SLC23A2: variants seen among roughly 807,000 people sequenced by gnomAD.
The protein encoded by SLC23A2 is Na(+)/L-ascorbic acid transporter 2.
SLC23A2 carries 36 observed loss-of-function variants against 73.3 expected under a neutral mutation model. The ratio of observed to expected loss-of-function variants is 0.49; its 90% CI spans 0.38 to 0.65. The LOEUF is 0.65. Among genes scored for constraint, SLC23A2 ranks in the 30% least tolerant of loss-of-function variants. The probability of loss-of-function intolerance (pLI) is 0.00; values close to 1 mark genes in which losing one functional copy is unlikely to be tolerated. For missense variants in SLC23A2, 507 were observed against 841.6 expected, an observed-to-expected ratio of 0.60 and a Z score of 4.92; for synonymous variants, 343 against 327.3, an observed-to-expected ratio of 1.05 and a Z score of -0.52.
chr20:4,858,434 A>C (rs1929822719), intron 16 of SLC23A2, among the ~76,000 whole-genome samples: 1 of 152,138 alleles, frequency 6.6e-6, no homozygotes, highest in Non-Finnish European at 1.5e-5. Flanking sequence ...AGAGAAAGAG[A>C]GTAGTCGTTA....
At chr20:4,994,524 C>G (rs964169967) in intron 1 of SLC23A2, among the ~76,000 whole-genome samples, 13 of 152,104 alleles carry the variant, frequency 8.5e-5, no homozygotes, top group African/African-American at 2.7e-4. Context: ...GCGGCTCACA[C>G]CTGTAATCTC....
At chr20:4,928,880 C>A (rs1272250867) in intron 3 of SLC23A2, among the ~76,000 whole-genome samples, 2 of 152,130 alleles carry the variant, frequency 1.3e-5, no homozygotes, top group African/African-American at 4.8e-5. Flanking sequence ...CCCAACCCTG[C>A]CCTAAAAAAT....
rs35951917 is a variant in SLC23A2 at position 4,972,576 on chromosome 20, G to GGT, written c.-281-1658_-281-1657insAC. Among the ~76,000 whole-genome samples the GGT allele has an allele frequency of 4.5e-4, 65 of 144,054 alleles. 1 individual carries two copies. Among genetic ancestry groups the GGT allele is most frequent in the South Asian group, 4.5e-4 (2 of 4,482 alleles). The allele number at this position is 144,054 out of a possible 152,430, so 94.5% of individuals were successfully genotyped here. On this transcript the variant is annotated intron_variant, in intron 1 of 16. Coordinates refer to ENST00000338244, the MANE Select transcript of SLC23A2 (RefSeq NM_005116.6). ...GGGGGTTTTTGGGGGGTTTTTTGGG[G>GGT]TTTTTTTGTTGTTGTTGTTGTTTTA...
chr20:4,869,282 C>G (rs538926667), intron 12 of SLC23A2, among the ~76,000 whole-genome samples: 1 of 151,398 alleles, frequency 6.6e-6, no homozygotes, highest in East Asian at 1.9e-4. Context: ...TGCACTGTAG[C>G]CTGGGCAACA....
chr20:4,952,103 CAAAAAAA>C (rs57832305), intron 2 of SLC23A2, among the ~76,000 whole-genome samples: 33 of 40,532 alleles, frequency 8.1e-4, no homozygotes, highest in South Asian at 1.6e-3. Flanking sequence ...GACTCTGACT[CAAAAAAA>C]AAAAAAAAAA....
chr20:4,915,739 C>A (rs940682868), intron 3 of SLC23A2, among the ~76,000 whole-genome samples: 2 of 152,092 alleles, frequency 1.3e-5, no homozygotes, highest in Admixed American at 6.5e-5. Context: ...CCCGAGATCA[C>A]GAGTTCGAGA....
At chr20:4,970,588 T>C (rs573358173) in intron 2 of SLC23A2, among the ~76,000 whole-genome samples, 22 of 152,146 alleles carry the variant, frequency 1.4e-4, no homozygotes, top group African/African-American at 5.1e-4. Flanking sequence ...AATTTAAAAA[T>C]TAGCCAGGCA....
intron 2 of SLC23A2, among the ~76,000 whole-genome samples, chr20:4,969,117 CCT>C (rs1412350269): frequency 1.6e-5 from 2 of 121,540 alleles, no homozygotes; most frequent in Non-Finnish European, 3.7e-5. Context: ...ACAGAGTTTC[CCT>C]CTTGTTACCC....
Position 4,995,351 on chromosome 20 carries a change from T to C in SLC23A2, c.-282+6055A>G, listed in dbSNP as rs7273306. On this transcript the variant is annotated intron_variant, in intron 1 of 16. Coordinates refer to ENST00000338244, the MANE Select transcript of SLC23A2 (RefSeq NM_005116.6). ...CCATTCAGCCTCAGCCTCCTCCCAG[T>C]GCACCCTTTACTCCACCCCAAAATT... 5.4e-3 allele frequency among the ~76,000 whole-genome samples: 820 copies of C among 152,228 alleles called. 8 individuals are homozygous for C. Among genetic ancestry groups the C allele is most frequent in the African/African-American group, 0.019 (787 of 41,552 alleles).
At chr20:4,907,320 T>C (rs962705836) in intron 4 of SLC23A2, among the ~76,000 whole-genome samples, 4 of 151,808 alleles carry the variant, frequency 2.6e-5, no homozygotes, top group Admixed American at 6.6e-5. Flanking sequence ...GCTTTCCACC[T>C]GGTCACTCAA....
rs779643129 is a variant in SLC23A2, at chr20:4,853,307, G to A, written c.*3665C>T. ...ATGCTGCTGCTTCTCTGGCCAGATG[G>A]GTTCTGGAATGAGGCTTCTGCTACT... On this transcript the variant is annotated 3_prime_UTR_variant, in exon 17 of 17. Transcript: ENST00000338244. 6.6e-6 allele frequency: 1 copy of A among 152,650 alleles called. No individual in the cohort carries two copies. Among genetic ancestry groups the A allele is most frequent in the African/African-American group, 2.4e-5 (1 of 41,454 alleles). The allele number at this position is 152,650 out of a possible 1,614,324, so 9.5% of individuals were successfully genotyped here.
At chr20:4,871,711 C>T (rs534758391) in intron 11 of SLC23A2, among the ~76,000 whole-genome samples, 4 of 152,208 alleles carry the variant, frequency 2.6e-5, no homozygotes, top group African/African-American at 4.8e-5. Context: ...GTGCAAGGTA[C>T]GCAGGTTGAT....
chr20:4,989,100 A>T (rs931642386), intron 1 of SLC23A2, among the ~76,000 whole-genome samples: 2 of 151,460 alleles, frequency 1.3e-5, no homozygotes, highest in Non-Finnish European at 2.9e-5. Context: ...TTAGCCGGGC[A>T]TGGTGGTGGG....
intron 2 of SLC23A2, among the ~76,000 whole-genome samples, chr20:4,955,090 A>T (rs963727907): frequency 6.6e-6 from 1 of 152,024 alleles, no homozygotes; most frequent in Non-Finnish European, 1.5e-5. Context: ...TTAAAAAAAA[A>T]ATTATTTTTT....
chr20:4,876,618 C>G (rs577505971), intron 9 of SLC23A2, among the ~76,000 whole-genome samples: 1 of 152,082 alleles, frequency 6.6e-6, no homozygotes, highest in Non-Finnish European at 1.5e-5. Flanking sequence ...CTGGGTGCTT[C>G]CCACCTCATG....
intron 1 of SLC23A2, among the ~76,000 whole-genome samples, chr20:4,996,548 C>T (rs2088022983): frequency 6.6e-6 from 1 of 151,730 alleles, no homozygotes; most frequent in Admixed American, 6.6e-5. Context: ...TAGCCGGGTA[C>T]AGTGGTATGC....
intron 3 of SLC23A2, among the ~76,000 whole-genome samples, chr20:4,926,862 A>G (rs1932690850): frequency 6.6e-6 from 1 of 152,008 alleles, no homozygotes; most frequent in South Asian, 2.1e-4. Context: ...GATGCCTAAG[A>G]GAATCTCTAA....
intron 12 of SLC23A2, among the ~76,000 whole-genome samples, chr20:4,869,420 AAAG>A (rs1247652274): frequency 2.2e-3 from 331 of 151,858 alleles, no homozygotes; most frequent in African/African-American, 7.7e-3. Flanking sequence ...AAAAAAAAAA[AAAG>A]AACAGTTGGA....
rs1395831924 is a variant in SLC23A2, at chr20:4,853,543, AT to A, written c.*3428del. ...GATTCATCAATGGAGAAATTCTATC[AT>A]CACATGACATTGTCATGAAAATTAT... On this transcript the variant is annotated 3_prime_UTR_variant, in exon 17 of 17. Coordinates refer to ENST00000338244, the MANE Select transcript of SLC23A2 (RefSeq NM_005116.6). 1 of 152,686 alleles carries A rather than the reference AT, an allele frequency of 6.5e-6. No homozygotes were observed. The highest frequency in any genetic ancestry group is 2.4e-5 in the African/African-American group (1 of 41,472). The allele number at this position is 152,686 out of a possible 1,614,324, so 9.5% of individuals were successfully genotyped here.
Sources: gnomAD v4.1 joint callset for allele counts (sites outside exome capture counted in the v4.1 genomes callset) on GRCh38, gnomAD v4.1.1 for gene constraint, MANE v1.5 for transcripts, NCBI Gene and HGNC (gene_info 2026-07-23, HGNC 2026-07-21) for gene names.